The following TRABD2B variants were observed in gnomAD, a reference collection of about 807,000 sequenced individuals.
TRABD2B encodes TraB domain containing 2B.
In TRABD2B, 14 loss-of-function variants were observed where a neutral mutation model predicts 40.1. That is an observed-to-expected ratio of 0.35 (90% CI 0.23 to 0.55). The LOEUF (loss-of-function observed/expected upper bound fraction) is 0.55, where lower values mean the gene tolerates loss of function less well. TRABD2B is among the 20% of genes least tolerant of loss of function. TRABD2B has a pLI of 0.90. For missense variants in TRABD2B, 541 were observed against 648.6 expected (o/e 0.83, Z 1.80); for synonymous variants, 263 against 277.0 (o/e 0.95, Z 0.50).
rs115336291 is a variant in TRABD2B at position 47,852,370 on chromosome 1, C to T, written c.667-50751G>A. Among the ~76,000 whole-genome samples the T allele has an allele frequency of 4.5e-3, 683 of 152,326 alleles. 4 individuals carry two copies. Among genetic ancestry groups the T allele is most frequent in the African/African-American group, 0.016 (656 of 41,568 alleles). Reference sequence around the variant, plus strand: ...TTCCAGGCCAAAGTAATCTAACCGACCATGAACAGAATTAAATTTCTGCCT... The same window carrying T: ...TTCCAGGCCAAAGTAATCTAACCGATCATGAACAGAATTAAATTTCTGCCT... On this transcript the variant is annotated intron_variant, in intron 2 of 6. Coordinates refer to ENST00000606738, the MANE Select transcript of TRABD2B (RefSeq NM_001194986.2).
rs143701744 is a variant in TRABD2B, at chr1:47,803,769, C to T, written c.667-2150G>A. Among the ~76,000 whole-genome samples the T allele has an allele frequency of 7.2e-5, 11 of 152,346 alleles. No homozygotes were observed. In the East Asian group the frequency reaches 2.1e-3, roughly 29 times the overall value. ...ATTTTTGAATTTGCAGCACTCAGCA[C>T]TGTGCCTGGTGAAGATAAAGTGTCA... On this transcript the variant is annotated intron_variant, in intron 2 of 6. Transcript: ENST00000606738.
At chr1:47,855,069 G>A (rs1262581611) in intron 2 of TRABD2B, among the ~76,000 whole-genome samples, 1 of 152,152 alleles carries the variant, frequency 6.6e-6, no homozygotes, top group Non-Finnish European at 1.5e-5. Flanking sequence ...AACTTCAGAG[G>A]CCCTTAGACT....
In TRABD2B at chr1:47,876,120, G is replaced by A. The variant is rs575955268; in HGVS notation, c.667-74501C>T. ...CCACTCCACTACTCTACAGTAACAG[G>A]AATGAAAAGAAGTGTCTGGAGTCAC... On this transcript the variant is annotated intron_variant, in intron 2 of 6. Coordinates refer to ENST00000606738, the MANE Select transcript of TRABD2B (RefSeq NM_001194986.2). Among the ~76,000 whole-genome samples the A allele has an allele frequency of 8.5e-5, 13 of 152,278 alleles. No individual in the cohort carries two copies. The South Asian group carries it at 1.0e-3, about 12-fold the overall frequency.
At chr1:47,908,839 C>T (rs1400687423) in intron 2 of TRABD2B, among the ~76,000 whole-genome samples, 3 of 152,224 alleles carry the variant, frequency 2.0e-5, no homozygotes, top group Non-Finnish European at 2.9e-5. Context: ...GAACACCTGC[C>T]CCTGAGGCCC....
intron 2 of TRABD2B, among the ~76,000 whole-genome samples, chr1:47,990,827 A>G (rs867716973): frequency 1.2e-5 from 1 of 80,858 alleles, no homozygotes. Context: ...ATATATATAT[A>G]TATATATAAA....
At chr1:47,820,472 T>A (rs1002635807) in intron 2 of TRABD2B, among the ~76,000 whole-genome samples, 4 of 152,190 alleles carry the variant, frequency 2.6e-5, no homozygotes, top group Non-Finnish European at 5.9e-5. Context: ...CCGTGGGATA[T>A]GCCTGGGCCT....
chr1:47,969,930 C>A (rs1238578168), intron 2 of TRABD2B, among the ~76,000 whole-genome samples: 1 of 152,158 alleles, frequency 6.6e-6, no homozygotes, highest in Non-Finnish European at 1.5e-5. Flanking sequence ...ACCTCCCCCA[C>A]CGCTCCTCAC....
chr1:47,871,395 G>A (rs1266880352), intron 2 of TRABD2B, among the ~76,000 whole-genome samples: 1 of 152,178 alleles, frequency 6.6e-6, no homozygotes, highest in Non-Finnish European at 1.5e-5. Flanking sequence ...GAGGCAAGTT[G>A]GCTCAGAGCC....
chr1:47,790,413 C>A lies in TRABD2B; in HGVS notation c.988+4173G>T, dbSNP rs1041880951. 3.3e-5 allele frequency among the ~76,000 whole-genome samples: 5 copies of A among 152,148 alleles called. No homozygotes were observed. The East Asian group carries it at 7.7e-4, about 23-fold the overall frequency. ...GGATAGGGAGGGCTTCCATCTGGGC[C>A]CCCCCAGCATCACCCAGGCCTGCTC... is the stretch of plus-strand genomic sequence containing the variant. On this transcript the variant is annotated intron_variant, in intron 4 of 6. Coordinates refer to ENST00000606738, the MANE Select transcript of TRABD2B (RefSeq NM_001194986.2).
intron 2 of TRABD2B, among the ~76,000 whole-genome samples, chr1:47,821,516 C>T (rs150325629): frequency 1.6e-4 from 25 of 152,314 alleles, no homozygotes; most frequent in African/African-American, 4.8e-4. Flanking sequence ...TTCTCCAGGG[C>T]GGGAGTTGCC....
chr1:47,766,180 C>A (rs1474866412), intron 6 of TRABD2B, 74 bp from the exon 7 acceptor site: 5 of 683,658 alleles, frequency 7.3e-6, no homozygotes, highest in Admixed American at 2.1e-5. Flanking sequence ...GGGCTCAGAT[C>A]TGATTTTTTC....
chr1:47,843,566 A>G (rs1645428573), intron 2 of TRABD2B, among the ~76,000 whole-genome samples: 2 of 152,180 alleles, frequency 1.3e-5, no homozygotes, highest in South Asian at 4.1e-4. Flanking sequence ...AAGGAAGTCC[A>G]GGATGGAGTT....
chr1:47,841,002 G>T (rs1645389028), intron 2 of TRABD2B, among the ~76,000 whole-genome samples: 1 of 152,168 alleles, frequency 6.6e-6, no homozygotes, highest in South Asian at 2.1e-4. Flanking sequence ...TGACAGTCTG[G>T]AGCAGGCCTA....
chr1:47,849,826 A>AC (rs1230422743), intron 2 of TRABD2B, among the ~76,000 whole-genome samples: 1 of 152,186 alleles, frequency 6.6e-6, no homozygotes, highest in Non-Finnish European at 1.5e-5. Context: ...TGTGGTCAGC[A>AC]CCCTGCCTTA....
intron 2 of TRABD2B, among the ~76,000 whole-genome samples, chr1:47,875,698 A>AAAG (rs1557629851): frequency 6.0e-5 from 8 of 132,258 alleles, no homozygotes; most frequent in African/African-American, 2.0e-4. Context: ...AAAAAAAAAA[A>AAAG]AAGAAGAAGG....
At chr1:47,924,574 C>T (rs1644946542) in intron 2 of TRABD2B, among the ~76,000 whole-genome samples, 1 of 152,154 alleles carries the variant, frequency 6.6e-6, no homozygotes, top group Admixed American at 6.5e-5. Flanking sequence ...GTCTAGTTCC[C>T]ACCTTCTCAG....
intron 2 of TRABD2B, among the ~76,000 whole-genome samples, chr1:47,808,138 T>C (rs923108468): frequency 6.6e-6 from 1 of 152,188 alleles, no homozygotes; most frequent in Admixed American, 6.5e-5. Context: ...GTTGAAGGCC[T>C]TACTAGAAAA....
chr1:47,993,446 C>G (rs1194512146), intron 2 of TRABD2B, among the ~76,000 whole-genome samples: 1 of 152,216 alleles, frequency 6.6e-6, no homozygotes, highest in Non-Finnish European at 1.5e-5. Context: ...AACCTTAAAA[C>G]TCTCCTGGCT....
intron 2 of TRABD2B, among the ~76,000 whole-genome samples, chr1:47,887,517 C>T (rs1644386253): frequency 6.8e-6 from 1 of 146,120 alleles, no homozygotes. Context: ...AAATCTCCCA[C>T]TTGTTAAAAC....
Sources: allele counts gnomAD v4.1 joint callset (sites outside exome capture counted in the v4.1 genomes callset), GRCh38; gene constraint gnomAD v4.1.1; transcripts MANE v1.5; gene names NCBI Gene and HGNC (gene_info 2026-07-23, HGNC 2026-07-21).